FBXO11: variants seen among roughly 807,000 people sequenced by gnomAD.
FBXO11 encodes F-box only protein 11.
A neutral mutation model predicts 117.0 loss-of-function variants in FBXO11; 13 were observed. That is an observed-to-expected ratio of 0.11 (90% CI 0.07 to 0.18). The LOEUF (loss-of-function observed/expected upper bound fraction) is 0.18. Among genes scored for constraint, FBXO11 ranks in the 10% least tolerant of loss-of-function variants. The pLI is 1.00. For missense variants in FBXO11, 767 were observed against 1,164.4 expected (o/e 0.66, Z 4.97); for synonymous variants, 490 against 380.5 (o/e 1.29, Z -3.35).
Position 47,835,929 on chromosome 2 carries a change from C to G in FBXO11, c.660G>C (p.Gln220His), listed in dbSNP as rs751613889. ...MMHPEPGKFY[Q>H]INPEEYEHPN... ...GATGTTCATACTCTTCTGGATTAATCTGGTAGAATTTTCCAGGTTCAGGAT... is the reference window on the plus strand; with the variant it reads ...GATGTTCATACTCTTCTGGATTAATGTGGTAGAATTTTCCAGGTTCAGGAT... The change falls in exon 5 of 23, where the codon CAG becomes CAC. Residue 220 changes from glutamine to histidine, a missense_variant. Around this residue, in one of 10 missense-constraint regions of FBXO11, gnomAD observed 355 missense variants for 299.8 expected, o/e 1.18. Coordinates refer to ENST00000403359, the MANE Select transcript of FBXO11 (RefSeq NM_001190274.2). 1 of 1,612,022 alleles carries G rather than the reference C, an allele frequency of 6.2e-7. No homozygotes were observed. Among genetic ancestry groups the G allele is most frequent in the South Asian group, 1.1e-5 (1 of 90,950 alleles).
At chr2:47,825,907 C>A (rs890701215) in intron 11 of FBXO11, among the ~76,000 whole-genome samples, 4 of 151,814 alleles carry the variant, frequency 2.6e-5, no homozygotes, top group South Asian at 2.1e-4. Flanking sequence ...TTTTACAGCG[C>A]TGCAAGCAAA....
chr2:47,809,322 C>T lies in FBXO11; in HGVS notation c.2447-56G>A, dbSNP rs1377228894. ...CAGAGGAATGTTAATATTTTAAAAA[C>T]CAAAGATTATAGGATTATTCTAACA... On this transcript the variant is annotated intron_variant, in intron 20 of 22. Coordinates refer to ENST00000403359, the MANE Select transcript of FBXO11 (RefSeq NM_001190274.2). 5.2e-6 allele frequency: 6 copies of T among 1,154,820 alleles called. No individual in the cohort carries two copies. In the South Asian group the frequency reaches 8.4e-5, roughly 16 times the overall value. 71.5% of individuals were successfully genotyped at this position (1,154,820 alleles called of 1,614,324 possible).
rs151143738 is a variant in FBXO11 at position 47,809,772 on chromosome 2, A to G, written c.2339-65T>C. 2.4e-4 allele frequency: 253 copies of G among 1,048,298 alleles called. 1 individual carries two copies. Among genetic ancestry groups the G allele is most frequent in the Middle Eastern group, 2.0e-3 (8 of 4,090 alleles). 64.9% of individuals were successfully genotyped at this position (1,048,298 alleles called of 1,614,324 possible). ...TACTGCTTCTTAAAAACCTGAAATT[A>G]GCAAGCAAATGTAAACTGCTTCTTT... On this transcript the variant is annotated intron_variant, in intron 19 of 22. Coordinates refer to ENST00000403359, the MANE Select transcript of FBXO11 (RefSeq NM_001190274.2).
At chr2:47,816,546 T>C (rs1454727014) in intron 16 of FBXO11, among the ~76,000 whole-genome samples, 1 of 152,196 alleles carries the variant, frequency 6.6e-6, no homozygotes, top group Non-Finnish European at 1.5e-5. Context: ...TCAATTTACT[T>C]TGCCCAGATC....
intron 16 of FBXO11, among the ~76,000 whole-genome samples, chr2:47,816,356 T>A (rs1371516549): frequency 6.6e-6 from 1 of 152,046 alleles, no homozygotes; most frequent in Non-Finnish European, 1.5e-5. Context: ...ATTTTTTCTA[T>A]TTTTTACAGA....
At chr2:47,846,408 G>A (rs910001728) in intron 1 of FBXO11, among the ~76,000 whole-genome samples, 1 of 152,098 alleles carries the variant, frequency 6.6e-6, no homozygotes, top group African/African-American at 2.4e-5. Flanking sequence ...AGGCGGCTGC[G>A]ATGAGCGGAG....
At chr2:47,843,731 G>GTT (rs1673191458) in intron 1 of FBXO11, among the ~76,000 whole-genome samples, 1 of 151,650 alleles carries the variant, frequency 6.6e-6, no homozygotes, top group African/African-American at 2.4e-5. Context: ...TAGATTTGCT[G>GTT]CTGCTTCTTC....
At chr2:47,841,941 A>T (rs1414672977) in intron 1 of FBXO11, among the ~76,000 whole-genome samples, 1 of 149,048 alleles carries the variant, frequency 6.7e-6, no homozygotes, top group Non-Finnish European at 1.5e-5. Flanking sequence ...GCCCGGCCAA[A>T]TTATTTTTTA....
intron 1 of FBXO11, among the ~76,000 whole-genome samples, chr2:47,845,007 T>C (rs567998042): frequency 1.3e-5 from 2 of 152,306 alleles, no homozygotes; most frequent in Admixed American, 1.3e-4. Flanking sequence ...ATCAGCTTGT[T>C]TGCCATTTCC....
At chr2:47,873,349 C>G (rs1039165996) in intron 1 of FBXO11, among the ~76,000 whole-genome samples, 1 of 152,226 alleles carries the variant, frequency 6.6e-6, no homozygotes, top group Admixed American at 6.5e-5. Flanking sequence ...CCTGGTTGCA[C>G]AGGACACAGA....
At chr2:47,861,749 A>G (rs907462187) in intron 1 of FBXO11, among the ~76,000 whole-genome samples, 5 of 152,086 alleles carry the variant, frequency 3.3e-5, no homozygotes, top group Admixed American at 6.5e-5. Context: ...TTTTCCTGAT[A>G]GATACAAACA....
At chr2:47,821,526 C>T (rs1221941277) in intron 13 of FBXO11, among the ~76,000 whole-genome samples, 6 of 151,632 alleles carry the variant, frequency 4.0e-5, no homozygotes, top group East Asian at 1.9e-4. Context: ...AGGAGAATGG[C>T]GTGAACCTGG....
At chr2:47,809,914 GC>G in intron 19 of FBXO11, 1 of 538,138 alleles carries the variant, frequency 1.9e-6, no homozygotes, top group South Asian at 2.6e-5. Flanking sequence ...ATTAACTTTC[GC>G]ACCAACCTAA....
intron 1 of FBXO11, among the ~76,000 whole-genome samples, chr2:47,852,231 C>T (rs1317362324): frequency 6.6e-6 from 1 of 152,122 alleles, no homozygotes; most frequent in Non-Finnish European, 1.5e-5. Context: ...CTAAGGTGAT[C>T]CACCTGCCTC....
Position 47,814,811 on chromosome 2 carries a change from TG to T in FBXO11, c.2007-945del. Among the ~76,000 whole-genome samples the T allele has an allele frequency of 3.3e-5, 5 of 152,378 alleles. No homozygotes were observed. The South Asian group carries it at 1.0e-3, about 32-fold the overall frequency. ...ACAGTAGAATTTCTTTCAAAATTGT[TG>T]TCAATCCTTGCCAACCCTGCTACTA... is the stretch of plus-strand genomic sequence containing the variant. On this transcript the variant is annotated intron_variant, in intron 16 of 22. Transcript: ENST00000403359.
At chr2:47,848,685 A>G (rs1673608903) in intron 1 of FBXO11, among the ~76,000 whole-genome samples, 3 of 152,218 alleles carry the variant, frequency 2.0e-5, no homozygotes, top group South Asian at 4.1e-4. Context: ...AACCACAGAA[A>G]TAAGTAAAGT....
chr2:47,851,384 C>A (rs966920780), intron 1 of FBXO11, among the ~76,000 whole-genome samples: 9 of 151,958 alleles, frequency 5.9e-5, no homozygotes, highest in African/African-American at 2.2e-4. Context: ...TGTATTTTTA[C>A]CACGCGTGGC....
intron 7 of FBXO11, 54 bp from the exon 8 acceptor site, chr2:47,833,124 G>A (rs1383234817): frequency 1.7e-6 from 2 of 1,181,632 alleles, no homozygotes; most frequent in South Asian, 1.2e-5. Flanking sequence ...CAACAGATGG[G>A]TATCTTTATG....
chr2:47,834,531 T>G (rs1475934757), intron 7 of FBXO11, 48 bp downstream of exon 7: 1 of 1,425,404 alleles, frequency 7.0e-7, no homozygotes, highest in Admixed American at 2.4e-5. Context: ...TCCTATCACA[T>G]AAATGAGTAA....
Sources: gnomAD v4.1 joint callset for allele counts (sites outside exome capture counted in the v4.1 genomes callset) on GRCh38, gnomAD v4.1.1 for gene constraint, gnomAD v4.1.1 regional missense constraint, MANE v1.5 for transcripts, NCBI Gene and HGNC (gene_info 2026-07-23, HGNC 2026-07-21) for gene names.